Variants in STK24 observed in about 807,000 individuals in gnomAD.
STK24 encodes the protein serine/threonine kinase 24, also known as serine/threonine-protein kinase 24.
A neutral mutation model predicts 55.6 loss-of-function variants in STK24; 21 were observed. The observed-to-expected ratio is 0.38, with a 90% CI of 0.27 to 0.54. The LOEUF is 0.54. Among genes scored for constraint, STK24 ranks in the 20% least tolerant of loss-of-function variants. The pLI, the probability that STK24 is intolerant of heterozygous loss-of-function variation, is 0.79. For synonymous variants in STK24, 200 were observed against 215.2 expected (o/e 0.93, Z 0.62); for missense variants, 383 against 538.4 (o/e 0.71, Z 2.86).
intron 3 of STK24, among the ~76,000 whole-genome samples, chr13:98,481,697 G>C (rs1172429472): frequency 8.5e-5 from 13 of 152,082 alleles, no homozygotes; most frequent in Non-Finnish European, 1.9e-4. Flanking sequence ...ATCCTTCCTT[G>C]CTTCCTTCTA....
chr13:98,500,765 T>C (rs746323717), intron 2 of STK24, among the ~76,000 whole-genome samples: 6 of 152,014 alleles, frequency 3.9e-5, no homozygotes, highest in Non-Finnish European at 8.8e-5. Flanking sequence ...TAATTAGATT[T>C]AGCACACAGG....
At chr13:98,498,108 G>C (rs1236264965) in intron 2 of STK24, among the ~76,000 whole-genome samples, 1 of 152,226 alleles carries the variant, frequency 6.6e-6, no homozygotes, top group Non-Finnish European at 1.5e-5. Flanking sequence ...ATGATGTTGT[G>C]TCCAGTTAGC....
intron 1 of STK24, chr13:98,542,918 A>G (rs751736727): frequency 3.9e-5 from 38 of 985,472 alleles, no homozygotes; most frequent in African/African-American, 2.1e-4. Flanking sequence ...GCGGCCTGAC[A>G]GGAACGGGTG....
At chr13:98,519,500 A>G in intron 1 of STK24, 27 bp from the exon 2 acceptor site, 1 of 1,583,416 alleles carries the variant, frequency 6.3e-7, no homozygotes, top group Non-Finnish European at 8.7e-7. Context: ...GAGAAAAGGG[A>G]AACTTTAGTC....
At chr13:98,552,917 C>T (rs1008396092) in intron 1 of STK24, among the ~76,000 whole-genome samples, 4 of 152,256 alleles carry the variant, frequency 2.6e-5, no homozygotes, top group Non-Finnish European at 4.4e-5. Flanking sequence ...TCAAAACCCA[C>T]TGAACATACA....
At chr13:98,531,615 TTAA>T (rs1490975971) in intron 1 of STK24, among the ~76,000 whole-genome samples, 1 of 152,158 alleles carries the variant, frequency 6.6e-6, no homozygotes, top group African/African-American at 2.4e-5. Flanking sequence ...TGATTTTGAC[TTAA>T]TAAGAAGTTT....
At chr13:98,492,076 C>CGT (rs56956881) in intron 2 of STK24, among the ~76,000 whole-genome samples, 2,220 of 149,588 alleles carry the variant, frequency 0.015, 24 homozygotes, top group African/African-American at 0.022. Flanking sequence ...AGTGCGTGCG[C>CGT]GTGTGTGTGT....
intron 1 of STK24, among the ~76,000 whole-genome samples, chr13:98,571,492 C>A (rs1167283228): frequency 6.6e-6 from 1 of 152,154 alleles, no homozygotes; most frequent in African/African-American, 2.4e-5. Flanking sequence ...ACTCCCAGAT[C>A]TGAGACTGGA....
chr13:98,472,809 T>C (rs1249741028), intron 5 of STK24, among the ~76,000 whole-genome samples: 1 of 152,216 alleles, frequency 6.6e-6, no homozygotes, highest in African/African-American at 2.4e-5. Flanking sequence ...TTTTAAATCT[T>C]TAAACATTCT....
At chr13:98,570,174 C>A (rs562430596) in intron 1 of STK24, among the ~76,000 whole-genome samples, 1 of 152,108 alleles carries the variant, frequency 6.6e-6, no homozygotes, top group African/African-American at 2.4e-5. Flanking sequence ...CCACCGCCCC[C>A]GGTCAATTTT....
intron 1 of STK24, among the ~76,000 whole-genome samples, chr13:98,534,129 A>C (rs1036954878): frequency 6.6e-6 from 1 of 152,220 alleles, no homozygotes; most frequent in Admixed American, 6.5e-5. Flanking sequence ...GCCCATGGTC[A>C]CAAAGCTCCA....
intron 1 of STK24, among the ~76,000 whole-genome samples, chr13:98,556,537 A>AACAGC (rs368041073): frequency 0.012 from 1,787 of 152,126 alleles, 37 homozygotes; most frequent in African/African-American, 0.036. Context: ...ACAACAACAA[A>AACAGC]AAAATCACTG....
chr13:98,555,014 C>CAAAAAAAAAAAAA (rs398024117), intron 1 of STK24, among the ~76,000 whole-genome samples: 13 of 88,308 alleles, frequency 1.5e-4, no homozygotes, highest in East Asian at 3.5e-4. Context: ...GACTCCAACT[C>CAAAAAAAAAAAAA]AAAAAAAAAA....
At position 98,446,489 on chromosome 13, in the gene STK24, C is replaced by G; in HGVS notation, c.*6684G>C. On this transcript the variant is annotated 3_prime_UTR_variant, in exon 11 of 11. Coordinates refer to ENST00000539966, the MANE Select transcript of STK24 (RefSeq NM_001032296.4). ...TATCTACAGCTCAGTCCTGGCGGGA[C>G]TTGCCACCCGGGCCATCACGTACAG... 1 of 657,614 alleles carries G rather than the reference C, an allele frequency of 1.5e-6. No homozygotes were observed. Among genetic ancestry groups the G allele is most frequent in the Admixed American group, 2.8e-5 (1 of 35,268 alleles). The allele number at this position is 657,614 out of a possible 1,614,324, so 40.7% of individuals were successfully genotyped here.
At chr13:98,488,975 G>T (rs796486279) in intron 2 of STK24, among the ~76,000 whole-genome samples, 1 of 152,202 alleles carries the variant, frequency 6.6e-6, no homozygotes, top group Non-Finnish European at 1.5e-5. Flanking sequence ...ACAATGCAGC[G>T]GGCTTTATTA....
chr13:98,480,804 G>A (rs557203798), intron 3 of STK24, among the ~76,000 whole-genome samples: 25 of 152,338 alleles, frequency 1.6e-4, no homozygotes, highest in Non-Finnish European at 4.4e-5. Flanking sequence ...GCCCAGGCCA[G>A]TCCTGAACTT....
chr13:98,516,994 C>T (rs1896089053), intron 2 of STK24, among the ~76,000 whole-genome samples: 1 of 152,150 alleles, frequency 6.6e-6, no homozygotes, highest in Admixed American at 6.5e-5. Context: ...GTACTGTGGC[C>T]GCTATATTTG....
chr13:98,523,335 T>C (rs1333587975), intron 1 of STK24, among the ~76,000 whole-genome samples: 2 of 152,194 alleles, frequency 1.3e-5, no homozygotes, highest in African/African-American at 2.4e-5. Flanking sequence ...TCCAAACCCT[T>C]ACCACATTGT....
chr13:98,547,335 C>T (rs748425663), intron 1 of STK24, among the ~76,000 whole-genome samples: 58 of 152,244 alleles, frequency 3.8e-4, no homozygotes, highest in Non-Finnish European at 7.4e-4. Context: ...TCGTTTGAGG[C>T]CAGGAGTTAG....
Sources: gnomAD v4.1 joint callset for allele counts (sites outside exome capture counted in the v4.1 genomes callset) on GRCh38, gnomAD v4.1.1 for gene constraint, MANE v1.5 for transcripts, NCBI Gene and HGNC (gene_info 2026-07-23, HGNC 2026-07-21) for gene names.